PLCG2: variants seen among roughly 807,000 people sequenced by gnomAD.
The protein encoded by PLCG2 is 1-phosphatidylinositol 4,5-bisphosphate phosphodiesterase gamma-2.
PLCG2 carries 69 observed loss-of-function variants against 175.6 expected under a neutral mutation model. That is an observed-to-expected ratio of 0.39 (90% CI 0.32 to 0.48). PLCG2 has a LOEUF of 0.48. Ranked by LOEUF, PLCG2 falls within the 20% of genes least tolerant of loss-of-function variation. The pLI is 0.91. For synonymous variants in PLCG2, 827 were observed against 624.0 expected (o/e 1.33, Z -4.85); for missense variants, 1,798 against 1,650.9 (o/e 1.09, Z -1.54).
chr16:81,846,857 C>T (rs536504628), intron 2 of PLCG2, among the ~76,000 whole-genome samples: 64 of 152,268 alleles, frequency 4.2e-4, no homozygotes, highest in Non-Finnish European at 8.4e-4. Context: ...CTTTCCTCTT[C>T]CCTCTGTACT....
chr16:81,739,892 C>G (rs1909546725), intron 1 of PLCG2, among the ~76,000 whole-genome samples: 1 of 152,186 alleles, frequency 6.6e-6, no homozygotes, highest in Admixed American at 6.5e-5. Flanking sequence ...AATCCCAGCG[C>G]TTTGGGAGGC....
chr16:81,885,052 AATT>A (rs1387070467), intron 9 of PLCG2, among the ~76,000 whole-genome samples: 1 of 82,678 alleles, frequency 1.2e-5, no homozygotes, highest in Non-Finnish European at 2.6e-5. Flanking sequence ...CATGCCTGAC[AATT>A]TTTTTTTTTT....
In PLCG2 at chr16:81,937,667, G is replaced by A. The variant is rs868163603; in HGVS notation, c.3053-91G>A. On this transcript the variant is annotated intron_variant, in intron 27 of 32. Coordinates refer to ENST00000564138, the MANE Select transcript of PLCG2 (RefSeq NM_002661.5). Reference sequence around the variant, plus strand: ...CTGCCTCACATTAATTTGGGGAAAAGGTGAAATTCATTCCCCACCTAGAAA... The same window carrying A: ...CTGCCTCACATTAATTTGGGGAAAAAGTGAAATTCATTCCCCACCTAGAAA... The A allele has an allele frequency of 7.2e-6, 8 of 1,104,216 alleles. No individual in the cohort carries two copies. In the Middle Eastern group the frequency reaches 8.3e-4, roughly 115 times the overall value. The allele number at this position is 1,104,216 out of a possible 1,614,324, so 68.4% of individuals were successfully genotyped here. A position where few individuals can be genotyped will look rare whatever the true frequency, so the allele number is the denominator to read the frequency against.
At chr16:81,787,381 C>A (rs908054632) in intron 2 of PLCG2, among the ~76,000 whole-genome samples, 2 of 108,292 alleles carry the variant, frequency 1.8e-5, no homozygotes, top group South Asian at 2.7e-4. Context: ...ACCGCCATGC[C>A]TGGATAATTT....
intron 2 of PLCG2, among the ~76,000 whole-genome samples, chr16:81,787,009 C>T (rs1456200394): frequency 1.3e-5 from 2 of 152,180 alleles, no homozygotes; most frequent in Non-Finnish European, 2.9e-5. Flanking sequence ...AACTCTTGTA[C>T]ACTTCTGCAC....
chr16:81,869,065 A>T, intron 5 of PLCG2, 149 bp from the exon 6 acceptor site: 1 of 674,268 alleles, frequency 1.5e-6, no homozygotes, highest in Non-Finnish European at 2.7e-6. Context: ...CCTTGACTCA[A>T]TGTCTTGTTC....
chr16:81,949,140 A>T (rs529946515), intron 31 of PLCG2, among the ~76,000 whole-genome samples: 2 of 152,334 alleles, frequency 1.3e-5, no homozygotes, highest in African/African-American at 4.8e-5. Flanking sequence ...AAGAAAGGAA[A>T]AGGTGGGCTG....
chr16:81,934,431 G>T lies in PLCG2; in HGVS notation c.2742G>T (p.Glu914Asp). Residue 914 changes from glutamate to aspartate, a missense_variant and splice_region_variant, in exon 26 of 33, where the codon GAG (glutamate) becomes GAT (aspartate). By Grantham distance (45) the Glu-to-Asp change is conservative (BLOSUM62 2). Transcript: ENST00000564138. ...REITWKIDTK[E>D]NNMKYWEKNQ... Reference sequence around the variant, plus strand: ...TAAAGACAGTGAACTCCAAACAGGAGAACAACATGAAGTACTGGGAGAAGA... The same window carrying T: ...TAAAGACAGTGAACTCCAAACAGGATAACAACATGAAGTACTGGGAGAAGA... 6.2e-7 allele frequency: 1 copy of T among 1,607,248 alleles called. No homozygotes were observed. The highest frequency in any genetic ancestry group is 8.5e-7 in the Non-Finnish European group (1 of 1,174,048).
intron 2 of PLCG2, among the ~76,000 whole-genome samples, chr16:81,758,332 T>A (rs1909971651): frequency 6.6e-6 from 1 of 152,174 alleles, no homozygotes; most frequent in South Asian, 2.1e-4. Context: ...GATCAGCAAA[T>A]CGTTTCTTTT....
chr16:81,896,305 C>T (rs1236589136), intron 13 of PLCG2, among the ~76,000 whole-genome samples: 1 of 151,532 alleles, frequency 6.6e-6, no homozygotes, highest in African/African-American at 2.4e-5. Context: ...GAGGTGTGAT[C>T]ACTGAGGTCA....
chr16:81,747,704 C>G (rs773610235), intron 1 of PLCG2, among the ~76,000 whole-genome samples: 3 of 151,926 alleles, frequency 2.0e-5, no homozygotes, highest in Non-Finnish European at 2.9e-5. Flanking sequence ...ATATAATATT[C>G]TTGCAAAAAA....
At position 81,912,832 on chromosome 16, in the gene PLCG2, A is replaced by G. The variant is rs147431697; in HGVS notation, c.2054+116A>G. On this transcript the variant is annotated intron_variant, in intron 19 of 32. Coordinates refer to ENST00000564138, the MANE Select transcript of PLCG2 (RefSeq NM_002661.5). ...ACCTGCAGTGCCCTGCCCCCCCAGC[A>G]TCAGCGACAACAACAACCACCACAG... 3.1e-4 allele frequency: 398 copies of G among 1,273,670 alleles called. No individual in the cohort carries two copies. In the African/African-American group the frequency reaches 5.4e-3, roughly 17 times the overall value. 78.9% of individuals were successfully genotyped at this position (1,273,670 alleles called of 1,614,324 possible).
intron 2 of PLCG2, among the ~76,000 whole-genome samples, chr16:81,810,613 C>T (rs1403212928): frequency 6.6e-6 from 1 of 150,518 alleles, no homozygotes; most frequent in East Asian, 2.0e-4. Flanking sequence ...TTCTGCCGTC[C>T]ACTTAGTGCC....
chr16:81,843,885 T>C (rs1161813083), intron 2 of PLCG2, among the ~76,000 whole-genome samples: 1 of 152,250 alleles, frequency 6.6e-6, no homozygotes, highest in African/African-American at 2.4e-5. Flanking sequence ...ACTGCTTCTC[T>C]TCCATTGCAG....
chr16:81,847,331 C>T (rs11649062), intron 2 of PLCG2, among the ~76,000 whole-genome samples: 44,766 of 152,096 alleles, frequency 0.29, 6,806 homozygotes, highest in African/African-American at 0.36. Context: ...CCCTGTCATC[C>T]TGGGTTTTTA....
chr16:81,877,095 C>G (rs181067881), intron 7 of PLCG2, among the ~76,000 whole-genome samples: 362 of 152,270 alleles, frequency 2.4e-3, no homozygotes, highest in Non-Finnish European at 3.5e-3. Flanking sequence ...CCGTCTTGCC[C>G]CAGCTCATGG....
At position 81,962,119 on chromosome 16, in the gene PLCG2, A is replaced by G. The variant is rs1398313014; in HGVS notation, c.*4121A>G. On this transcript the variant is annotated 3_prime_UTR_variant, in exon 33 of 33. Transcript: ENST00000564138. ...AGGACCGGTCTTCGGTCAAGGGTATACGAGTAGCTGCGCTCCCCTGCTGGA... is the reference window on the plus strand; with the variant it reads ...AGGACCGGTCTTCGGTCAAGGGTATGCGAGTAGCTGCGCTCCCCTGCTGGA... The G allele has an allele frequency of 1.1e-5, 2 of 185,444 alleles. No homozygotes were observed. Among genetic ancestry groups the G allele is most frequent in the Non-Finnish European group, 2.3e-5 (2 of 87,090 alleles). 11.5% of individuals were successfully genotyped at this position (185,444 alleles called of 1,614,324 possible). A position where few individuals can be genotyped will look rare whatever the true frequency, so the allele number is the denominator to read the frequency against.
chr16:81,813,254 C>G (rs1430339156), intron 2 of PLCG2, among the ~76,000 whole-genome samples: 1 of 152,206 alleles, frequency 6.6e-6, no homozygotes, highest in Non-Finnish European at 1.5e-5. Flanking sequence ...CTATAAATTA[C>G]TTTGGGCAGT....
chr16:81,912,302 G>A (rs1909661406), intron 18 of PLCG2, among the ~76,000 whole-genome samples: 1 of 152,056 alleles, frequency 6.6e-6, no homozygotes, highest in South Asian at 2.1e-4. Context: ...CTGACCCCAA[G>A]TGATCCTCCT....
Sources: gnomAD v4.1 joint callset for allele counts (sites outside exome capture counted in the v4.1 genomes callset) on GRCh38, gnomAD v4.1.1 for gene constraint, MANE v1.5 for transcripts, NCBI Gene and HGNC (gene_info 2026-07-23, HGNC 2026-07-21) for gene names.